The following GALNS variants were observed in gnomAD, a reference collection of about 807,000 sequenced individuals.
GALNS encodes N-acetylgalactosamine-6-sulfatase.
GALNS carries 65 observed loss-of-function variants against 65.9 expected under a neutral mutation model. The observed-to-expected ratio is 0.99, with a 90% CI of 0.81 to 1.21. GALNS has a LOEUF of 1.21. Among genes scored for constraint, GALNS ranks in the 50% most tolerant of loss-of-function variants. The probability of loss-of-function intolerance (pLI) is 0.00; values close to 1 mark genes in which losing one functional copy is unlikely to be tolerated. For missense variants in GALNS, 776 were observed against 700.7 expected, an observed-to-expected ratio of 1.11 and a Z score of -1.21; for synonymous variants, 346 against 288.9, an observed-to-expected ratio of 1.20 and a Z score of -2.00.
chr16:88,830,925 C>G (rs116447958), intron 9 of GALNS, among the ~76,000 whole-genome samples: 1,562 of 152,286 alleles, frequency 0.01, 25 homozygotes, highest in African/African-American at 0.035. Flanking sequence ...GGTTTTTAAA[C>G]ACTCAGCCTG....
At chr16:88,835,990 G>C (rs907105322) in intron 6 of GALNS, 141 bp from the exon 7 acceptor site, 64 of 1,382,288 alleles carry the variant, frequency 4.6e-5, no homozygotes, top group Non-Finnish European at 6.5e-5. Context: ...AGGTTGGTGC[G>C]GTCCCCGTCC....
At chr16:88,830,407 G>A (rs973661018) in intron 9 of GALNS, among the ~76,000 whole-genome samples, 3 of 152,198 alleles carry the variant, frequency 2.0e-5, no homozygotes, top group South Asian at 2.1e-4. Flanking sequence ...CTGGCCCCAC[G>A]CACGTCTTCA....
At chr16:88,838,671 G>C (rs1912395661) in intron 4 of GALNS, 1 of 152,546 alleles carries the variant, frequency 6.6e-6, no homozygotes, top group East Asian at 1.9e-4. Context: ...TGCGCAGCCT[G>C]TCCTGTCCTG....
At chr16:88,851,064 T>A (rs1555524765) in intron 1 of GALNS, among the ~76,000 whole-genome samples, 1 of 152,050 alleles carries the variant, frequency 6.6e-6, no homozygotes, top group South Asian at 2.1e-4. Context: ...CCAGCTCTCA[T>A]CTGCTGACCC....
At chr16:88,816,550 C>T (rs1909649503) in intron 13 of GALNS, 1 of 954,570 alleles carries the variant, frequency 1.0e-6, no homozygotes, top group East Asian at 1.3e-4. Flanking sequence ...GGAGGTGGCC[C>T]TGCCCTGCCC....
At position 88,818,067 on chromosome 16, in the gene GALNS, C is replaced by G. The variant is rs1303202361; in HGVS notation, c.1422G>C (p.Gln474His). 6.3e-7 allele frequency: 1 copy of G among 1,576,504 alleles called. No individual in the cohort carries two copies. Among genetic ancestry groups the G allele is most frequent in the African/African-American group, 1.3e-5 (1 of 74,538 alleles). ...GCGCGGGGACCAAGGCCTCCTGGTG[C>G]TGCTGGACGACCGAGGTGATCCTGC... ...ALSRITSVVQ[Q>H]HQEALVPAQP... Residue 474 changes from glutamine (Q) to histidine (H), a missense_variant, in exon 13 of 14, where the codon CAG (glutamine) becomes CAC (histidine). Transcript: ENST00000268695.
chr16:88,854,082 G>A (rs971726240), intron 1 of GALNS, among the ~76,000 whole-genome samples: 1 of 152,204 alleles, frequency 6.6e-6, no homozygotes, highest in South Asian at 2.1e-4. Flanking sequence ...GGACTGGATA[G>A]GGGGAGACTG....
rs374619390 is a variant in GALNS at position 88,826,770 on chromosome 16, C to A, written c.1071G>T (p.Pro357=). ...GGCCATCAATGGCCCTGTCGCTGGGCGGCGTCAGGCCCGCAAGGGCCAGGC... is the reference window on the plus strand; with the variant it reads ...GGCCATCAATGGCCCTGTCGCTGGGAGGCGTCAGGCCCGCAAGGGCCAGGC... The part of the protein sequence containing the change: ...TTSLALAGLT[P]PSDRAIDGLN... Residue 357 remains proline (P), a synonymous_variant, in exon 10 of 14, where the codon CCG becomes CCT. Coordinates refer to ENST00000268695, the MANE Select transcript of GALNS (RefSeq NM_000512.5). 12 of 1,608,434 alleles carry A rather than the reference C, an allele frequency of 7.5e-6. 1 individual carries two copies. In the Admixed American group the frequency reaches 8.4e-5, roughly 11 times the overall value.
chr16:88,840,925 C>A (rs988478207), intron 4 of GALNS, 67 bp downstream of exon 4: 1 of 1,258,266 alleles, frequency 7.9e-7, no homozygotes, highest in South Asian at 1.2e-5. Context: ...GTGGCCATGT[C>A]CCTTGGAACC....
At chr16:88,837,524 G>C (rs1363196762) in intron 5 of GALNS, 98 bp downstream of exon 5, 1 of 1,275,060 alleles carries the variant, frequency 7.8e-7, no homozygotes, top group Admixed American at 1.7e-5. Flanking sequence ...CAGCCCTCAT[G>C]AGTGGCGACT....
At chr16:88,816,291 CGT>C (rs1454781790) in intron 13 of GALNS, 2 of 985,284 alleles carry the variant, frequency 2.0e-6, no homozygotes, top group African/African-American at 3.5e-5. Flanking sequence ...CAGCCTGGGT[CGT>C]AGAGAAGGAC....
chr16:88,817,440 T>C (rs998023624), intron 13 of GALNS: 57 of 985,276 alleles, frequency 5.8e-5, no homozygotes, highest in Non-Finnish European at 6.1e-5. Flanking sequence ...TCAGGTCTGA[T>C]GCGAAGGTCT....
At chr16:88,836,450 T>G (rs1029232879) in intron 5 of GALNS, among the ~76,000 whole-genome samples, 183 bp from the exon 6 acceptor site, 2 of 152,162 alleles carry the variant, frequency 1.3e-5, no homozygotes, top group Non-Finnish European at 2.9e-5. Context: ...GGTCAGGAAT[T>G]TGAGACCAGC....
chr16:88,837,833 C>T (rs1912302467), intron 4 of GALNS, 68 bp from the exon 5 acceptor site: 2 of 1,527,358 alleles, frequency 1.3e-6, no homozygotes, highest in Non-Finnish European at 1.8e-6. Context: ...TGAGCAGCAA[C>T]AGATACCACC....
chr16:88,826,548 G>A (rs1910941276), intron 10 of GALNS, among the ~76,000 whole-genome samples, 154 bp downstream of exon 10: 1 of 152,174 alleles, frequency 6.6e-6, no homozygotes, highest in Admixed American at 6.5e-5. Context: ...AGGTCCTCTC[G>A]TCTCAGGCAC....
chr16:88,834,830 C>G (rs1338417388), intron 8 of GALNS, among the ~76,000 whole-genome samples: 1 of 152,196 alleles, frequency 6.6e-6, no homozygotes, highest in East Asian at 1.9e-4. Flanking sequence ...AGGCCACACT[C>G]ACAGGGCTGC....
At chr16:88,856,522 C>A in intron 1 of GALNS, 1 of 697,722 alleles carries the variant, frequency 1.4e-6, no homozygotes, top group Non-Finnish European at 2.6e-6. Flanking sequence ...ACCGCCGAGA[C>A]CCCACGCCTG....
At chr16:88,834,718 G>A (rs988407527) in intron 8 of GALNS, among the ~76,000 whole-genome samples, 1 of 152,118 alleles carries the variant, frequency 6.6e-6, no homozygotes, top group Admixed American at 6.6e-5. Flanking sequence ...TGCCGAGCGG[G>A]GGAAAGGCTG....
At position 88,856,808 on chromosome 16, in the gene GALNS, C is replaced by G; in HGVS notation, c.70G>C (p.Ala24Pro). The change falls in exon 1 of 14, where the codon GCC becomes CCC. Residue 24 changes from alanine to proline, a missense_variant. By Grantham distance (27) the Ala-to-Pro change is conservative. Coordinates refer to ENST00000268695, the MANE Select transcript of GALNS (RefSeq NM_000512.5). ...TTGGGGGGCTGCGGGGCGCCCGAGG[C>G]CCCCATCCCCGCGGCGCTGAGCACC... is the stretch of plus-strand genomic sequence containing the variant. ...LLVLSAAGMG[A>P]SGAPQPPNIL... The G allele has an allele frequency of 6.5e-7, 1 of 1,537,986 alleles. No individual in the cohort carries two copies. Among genetic ancestry groups the G allele is most frequent in the Non-Finnish European group, 8.7e-7 (1 of 1,152,858 alleles).
Sources: gnomAD v4.1 joint callset for allele counts (sites outside exome capture counted in the v4.1 genomes callset) on GRCh38, gnomAD v4.1.1 for gene constraint, MANE v1.5 for transcripts, NCBI Gene and HGNC (gene_info 2026-07-23, HGNC 2026-07-21) for gene names.